TANK: variants seen among roughly 807,000 people sequenced by gnomAD.
TANK encodes TRAF family member associated NFKB activator.
Under a neutral mutation model 43.6 loss-of-function variants are expected in TANK, and 15 were observed. That is an observed-to-expected ratio of 0.34 (90% confidence interval 0.23 to 0.53). The LOEUF (loss-of-function observed/expected upper bound fraction) is 0.53, where lower values mean the gene tolerates loss of function less well. Among genes scored for constraint, TANK ranks in the 20% least tolerant of loss-of-function variants. The pLI is 0.94. For missense variants in TANK, 417 were observed against 498.6 expected, an observed-to-expected ratio of 0.84 and a Z score of 1.56; for synonymous variants, 162 against 178.2, an observed-to-expected ratio of 0.91 and a Z score of 0.73.
chr2:161,167,784 G>T (rs372114671), intron 1 of TANK, among the ~76,000 whole-genome samples: 2 of 151,904 alleles, frequency 1.3e-5, no homozygotes, highest in Non-Finnish European at 2.9e-5. Flanking sequence ...CACCACGACC[G>T]GCTAATTTTT....
In TANK at chr2:161,227,677, G is replaced by C. The variant is rs1037808450; in HGVS notation, c.520+2931G>C. On this transcript the variant is annotated intron_variant, in intron 6 of 7. Coordinates refer to ENST00000392749, the MANE Select transcript of TANK (RefSeq NM_001199135.3). ...AGCAGCAGCAGCAGCAGATTCTCCA[G>C]CATTCACCTTGTTCTCCTTGTGAAG... 2.0e-5 allele frequency among the ~76,000 whole-genome samples: 3 copies of C among 152,200 alleles called. No individual in the cohort carries two copies. The East Asian group carries it at 5.8e-4, about 29-fold the overall frequency.
intron 2 of TANK, among the ~76,000 whole-genome samples, chr2:161,186,018 A>G (rs527249965): frequency 6.6e-6 from 1 of 152,294 alleles, no homozygotes; most frequent in African/African-American, 2.4e-5. Context: ...ATTATGAACA[A>G]AATTAGCTGG....
chr2:161,220,695 A>G lies in TANK; in HGVS notation c.328-3220A>G, dbSNP rs552022582. On this transcript the variant is annotated intron_variant, in intron 4 of 7. Transcript: ENST00000392749. Reference sequence around the variant, plus strand: ...AGAAAAAATATGGTTTCAAATGACAATTTTTATTTCTTTTCTGTATCTTTC... The same window carrying G: ...AGAAAAAATATGGTTTCAAATGACAGTTTTTATTTCTTTTCTGTATCTTTC... Among the ~76,000 whole-genome samples, 4 of 152,334 alleles carry G rather than the reference A, an allele frequency of 2.6e-5. No homozygotes were observed. The East Asian group carries it at 5.8e-4, about 22-fold the overall frequency.
chr2:161,191,492 T>C (rs1256697423), intron 2 of TANK, among the ~76,000 whole-genome samples: 1 of 152,230 alleles, frequency 6.6e-6, no homozygotes, highest in Non-Finnish European at 1.5e-5. Context: ...TTGTTGAGGT[T>C]TGTTTGCCAG....
intron 4 of TANK, chr2:161,207,971 G>T (rs1027761546): frequency 1.1e-6 from 1 of 888,252 alleles, no homozygotes; most frequent in Non-Finnish European, 1.3e-6. Context: ...CAATCAATTG[G>T]CCTAGCTTCT....
At chr2:161,168,223 A>C (rs1399754666) in intron 1 of TANK, among the ~76,000 whole-genome samples, 1 of 152,162 alleles carries the variant, frequency 6.6e-6, no homozygotes, top group Non-Finnish European at 1.5e-5. Context: ...CCTCACATTA[A>C]AAGTTTTTAT....
At chr2:161,183,160 A>G (rs1309857748) in intron 2 of TANK, among the ~76,000 whole-genome samples, 2 of 152,204 alleles carry the variant, frequency 1.3e-5, no homozygotes, top group Non-Finnish European at 2.9e-5. Flanking sequence ...GCTGTCATTC[A>G]TAACTCCCTC....
chr2:161,146,510 T>A (rs932122747), intron 1 of TANK, among the ~76,000 whole-genome samples: 7 of 152,202 alleles, frequency 4.6e-5, no homozygotes, highest in African/African-American at 1.7e-4. Context: ...GTGGGGAATT[T>A]TTTTGTTGAT....
At chr2:161,232,145 T>C (rs1287160672) in intron 7 of TANK, among the ~76,000 whole-genome samples, 1 of 152,170 alleles carries the variant, frequency 6.6e-6, no homozygotes, top group Non-Finnish European at 1.5e-5. Context: ...GTGTATGATA[T>C]CAAATATTTT....
At chr2:161,186,538 A>T (rs1443274080) in intron 2 of TANK, among the ~76,000 whole-genome samples, 3 of 152,210 alleles carry the variant, frequency 2.0e-5, no homozygotes, top group African/African-American at 7.2e-5. Context: ...TATAAAAATC[A>T]AATCAAAATG....
At chr2:161,153,179 G>A (rs1684125352) in intron 1 of TANK, among the ~76,000 whole-genome samples, 1 of 151,878 alleles carries the variant, frequency 6.6e-6, no homozygotes, top group Non-Finnish European at 1.5e-5. Context: ...ATTTGGTTCT[G>A]TTTTATAATT....
chr2:161,145,212 G>C (rs1479522153), intron 1 of TANK, among the ~76,000 whole-genome samples: 1 of 117,618 alleles, frequency 8.5e-6, no homozygotes, highest in Non-Finnish European at 1.6e-5. Context: ...TTGAGCCTAT[G>C]TGTGTCTTTG....
chr2:161,157,482 T>A (rs1275356205), upstream of TANK, among the ~76,000 whole-genome samples: 1 of 152,150 alleles, frequency 6.6e-6, no homozygotes, highest in African/African-American at 2.4e-5. Flanking sequence ...AGTTGGAGAG[T>A]CTGCAATATA....
intron 2 of TANK, among the ~76,000 whole-genome samples, chr2:161,187,510 A>T (rs984703278): frequency 6.6e-6 from 1 of 152,220 alleles, no homozygotes; most frequent in African/African-American, 2.4e-5. Flanking sequence ...TCAGTTTATC[A>T]AGCAAATATT....
intron 4 of TANK, among the ~76,000 whole-genome samples, chr2:161,209,632 A>G (rs1686792976): frequency 6.6e-6 from 1 of 152,166 alleles, no homozygotes; most frequent in African/African-American, 2.4e-5. Flanking sequence ...TCATCTTTCT[A>G]TGCTACTTTT....
At chr2:161,145,275 T>C (rs562102445) in intron 1 of TANK, among the ~76,000 whole-genome samples, 1 of 151,332 alleles carries the variant, frequency 6.6e-6, no homozygotes, top group East Asian at 2.0e-4. Context: ...TGACTCTTTA[T>C]CCAATTTGCC....
At chr2:161,211,910 A>G (rs1574044366) in intron 4 of TANK, 1 of 983,720 alleles carries the variant, frequency 1.0e-6, no homozygotes, top group East Asian at 1.1e-4. Flanking sequence ...TATATACCCT[A>G]TTTTTATATA....
Position 161,137,783 on chromosome 2 carries a change from G to A in TANK, c.-50+720G>A, listed in dbSNP as rs188326804. On this transcript the variant is annotated intron_variant, in intron 1 of 7. Coordinates refer to the TANK transcript ENST00000259075. ...GAGATCAGTAGTTGGAGACCAGCCT[G>A]ACCAACATGATGAAACCCCGTCTCT... 8.5e-4 allele frequency: 129 copies of A among 152,190 alleles called. 2 individuals are homozygous for A. The highest frequency in any genetic ancestry group is 2.8e-3 in the African/African-American group (118 of 41,508). The allele number at this position is 152,190 out of a possible 1,614,324, so 9.4% of individuals were successfully genotyped here.
intron 2 of TANK, chr2:161,203,090 A>G: frequency 4.2e-6 from 1 of 236,124 alleles, no homozygotes; most frequent in Non-Finnish European, 8.5e-6. Context: ...GAAAGACACA[A>G]AATCTTAATT....
Sources: gnomAD v4.1 joint callset for allele counts (sites outside exome capture counted in the v4.1 genomes callset) on GRCh38, gnomAD v4.1.1 for gene constraint, MANE v1.5 for transcripts, NCBI Gene and HGNC (gene_info 2026-07-23, HGNC 2026-07-21) for gene names.